DNAJC24: variants seen among roughly 807,000 people sequenced by gnomAD.
The protein encoded by DNAJC24 is dnaJ homolog subfamily C member 24.
A neutral mutation model predicts 18.0 loss-of-function variants in DNAJC24; 17 were observed. The observed-to-expected ratio is 0.94, with a 90% CI of 0.65 to 1.42. The LOEUF (loss-of-function observed/expected upper bound fraction) is 1.42. DNAJC24 is among the 40% of genes most tolerant of loss of function. The pLI is 0.00. For synonymous variants in DNAJC24, 55 were observed against 57.7 expected, an observed-to-expected ratio of 0.95 and a Z score of 0.21; for missense variants, 158 against 175.6, an observed-to-expected ratio of 0.90 and a Z score of 0.57.
intron 2 of DNAJC24, among the ~76,000 whole-genome samples, chr11:31,409,987 C>T (rs1298019139): frequency 1.3e-5 from 2 of 151,348 alleles, no homozygotes; most frequent in Non-Finnish European, 2.9e-5. Flanking sequence ...CCAGTTTAAG[C>T]AATTCTTGTG....
At chr11:31,416,859 C>T (rs1197878870) in intron 3 of DNAJC24, 2 of 152,050 alleles carry the variant, frequency 1.3e-5, no homozygotes, top group African/African-American at 2.4e-5. Context: ...TCATTGTCTT[C>T]GAAAGGTCCT....
rs751810542 is a variant in DNAJC24 at position 31,432,471 on chromosome 11, A to G, written c.*2070A>G. ...TAATAAATTCACATGAAAAGGAGAC[A>G]ATAATCAAGTCAAAAGAATAAATGC... On this transcript the variant is annotated 3_prime_UTR_variant, in exon 5 of 5. Transcript: ENST00000465995. 8 of 1,504,460 alleles carry G rather than the reference A, an allele frequency of 5.3e-6. No individual in the cohort carries two copies. Among genetic ancestry groups the G allele is most frequent in the Middle Eastern group, 4.5e-4 (2 of 4,438 alleles). 93.2% of individuals were successfully genotyped at this position (1,504,460 alleles called of 1,614,324 possible). A position where few individuals can be genotyped will look rare whatever the true frequency, so the allele number is the denominator to read the frequency against.
At chr11:31,382,156 T>C (rs1227831289) in intron 2 of DNAJC24, among the ~76,000 whole-genome samples, 28 of 152,266 alleles carry the variant, frequency 1.8e-4, no homozygotes. Flanking sequence ...AAATATTATG[T>C]ACAGTATATA....
At chr11:31,428,927 C>T (rs1333800915) in intron 4 of DNAJC24, among the ~76,000 whole-genome samples, 3 of 151,980 alleles carry the variant, frequency 2.0e-5, no homozygotes, top group Non-Finnish European at 4.4e-5. Flanking sequence ...TGTCATTTAC[C>T]AAGAACATGT....
chr11:31,370,756 C>A lies in DNAJC24; in HGVS notation c.8C>A (p.Ala3Glu). 6.9e-6 allele frequency: 11 copies of A among 1,605,666 alleles called. No individual in the cohort carries two copies. Among genetic ancestry groups the A allele is most frequent in the Non-Finnish European group, 9.4e-6 (11 of 1,176,140 alleles). The part of the protein sequence containing the change: MM[A>E]VEQMPKKDWY... ...CCACTTCTGGTTCCATGGATGATGG[C>A]GGTTGAGCAGATGCCAAAAAAGGAT... Residue 3 changes from alanine to glutamate, a missense_variant, in exon 2 of 5, where the codon GCG becomes GAG. Transcript: ENST00000465995.
chr11:31,414,695 T>C, intron 2 of DNAJC24, 116 bp from the exon 3 acceptor site: 1 of 1,111,056 alleles, frequency 9.0e-7, no homozygotes. Context: ...GCCTTGGCAT[T>C]TGGTTTTCAT....
chr11:31,395,476 T>A (rs1302266512), intron 2 of DNAJC24, among the ~76,000 whole-genome samples: 1 of 152,214 alleles, frequency 6.6e-6, no homozygotes, highest in Non-Finnish European at 1.5e-5. Flanking sequence ...ACCAAACTGC[T>A]TTCCACAGTA....
chr11:31,406,867 G>A (rs1591914339), intron 2 of DNAJC24, among the ~76,000 whole-genome samples: 1 of 152,166 alleles, frequency 6.6e-6, no homozygotes, highest in Middle Eastern at 3.4e-3. Flanking sequence ...TGATAGTCTG[G>A]ATTATTAGAA....
At chr11:31,406,514 A>G (rs760004409) in intron 2 of DNAJC24, among the ~76,000 whole-genome samples, 2 of 152,198 alleles carry the variant, frequency 1.3e-5, no homozygotes, top group African/African-American at 2.4e-5. Context: ...TTATATATTC[A>G]GTGTTTAATA....
chr11:31,409,724 A>G (rs1952688716), intron 2 of DNAJC24, among the ~76,000 whole-genome samples: 1 of 152,048 alleles, frequency 6.6e-6, no homozygotes, highest in African/African-American at 2.4e-5. Flanking sequence ...TCTTCTATGA[A>G]TCTTTTCGTG....
intron 4 of DNAJC24, chr11:31,429,682 A>AAC (rs558988436): frequency 3.3e-5 from 7 of 211,666 alleles, no homozygotes; most frequent in East Asian, 2.0e-4. Context: ...GTAAACATCA[A>AAC]ACACACACAC....
chr11:31,380,538 A>G (rs1952366363), intron 2 of DNAJC24, among the ~76,000 whole-genome samples: 2 of 152,168 alleles, frequency 1.3e-5, no homozygotes, highest in Non-Finnish European at 2.9e-5. Flanking sequence ...CACTTTTGTT[A>G]AATTTTTGGA....
At chr11:31,400,530 A>G (rs908726403) in intron 2 of DNAJC24, among the ~76,000 whole-genome samples, 2 of 152,228 alleles carry the variant, frequency 1.3e-5, no homozygotes, top group Admixed American at 1.3e-4. Context: ...CAAAACAGAT[A>G]TACAGATCAA....
chr11:31,385,841 T>A (rs1026058959), intron 2 of DNAJC24, among the ~76,000 whole-genome samples: 1 of 152,150 alleles, frequency 6.6e-6, no homozygotes, highest in African/African-American at 2.4e-5. Flanking sequence ...GAAGGAGGCA[T>A]GGAGTAGGAT....
intron 2 of DNAJC24, among the ~76,000 whole-genome samples, chr11:31,406,113 A>G (rs1952655901): frequency 6.6e-6 from 1 of 152,066 alleles, no homozygotes; most frequent in African/African-American, 2.4e-5. Context: ...TTTTTTTCCA[A>G]ATGTATTCTT....
At chr11:31,430,204 C>A in intron 4 of DNAJC24, 67 bp from the exon 5 acceptor site, 1 of 1,395,552 alleles carries the variant, frequency 7.2e-7, no homozygotes, top group South Asian at 1.5e-5. Flanking sequence ...AACTCTGCAC[C>A]TTTTAAGGGT....
At chr11:31,429,226 A>T (rs895543212) in intron 4 of DNAJC24, among the ~76,000 whole-genome samples, 3 of 127,110 alleles carry the variant, frequency 2.4e-5, no homozygotes, top group Non-Finnish European at 5.1e-5. Flanking sequence ...CTTACTGATT[A>T]AAAAAAAAAA....
intron 2 of DNAJC24, among the ~76,000 whole-genome samples, chr11:31,406,308 A>G (rs1952658237): frequency 6.6e-6 from 1 of 152,230 alleles, no homozygotes; most frequent in South Asian, 2.1e-4. Flanking sequence ...ACTTAAGTGC[A>G]GTACCTCAGA....
At chr11:31,380,358 T>C (rs1391925259) in intron 2 of DNAJC24, among the ~76,000 whole-genome samples, 1 of 152,198 alleles carries the variant, frequency 6.6e-6, no homozygotes, top group Admixed American at 6.5e-5. Context: ...AAAATCATTT[T>C]CAACCAGTAT....
Sources: gnomAD v4.1 joint callset for allele counts (sites outside exome capture counted in the v4.1 genomes callset) on GRCh38, gnomAD v4.1.1 for gene constraint, MANE v1.5 for transcripts, NCBI Gene and HGNC (gene_info 2026-07-23, HGNC 2026-07-21) for gene names.